The following SLC17A1 variants were observed in gnomAD, a reference collection of about 807,000 sequenced individuals.
The protein encoded by SLC17A1 is sodium-dependent phosphate transport protein 1.
A neutral mutation model predicts 53.5 loss-of-function variants in SLC17A1; 51 were observed. The ratio of observed to expected loss-of-function variants is 0.95; its 90% CI spans 0.76 to 1.20. The LOEUF (loss-of-function observed/expected upper bound fraction) is 1.20. Among genes scored for constraint, SLC17A1 ranks in the 50% most tolerant of loss-of-function variants. SLC17A1 has a pLI of 0.00. For synonymous variants in SLC17A1, 179 were observed against 198.8 expected (o/e 0.90, Z 0.84); for missense variants, 538 against 568.2 (o/e 0.95, Z 0.54).
chr6:25,751,128 A>G, the SLC17A1 span, among the ~76,000 whole-genome samples: 22 of 152,172 alleles, frequency 1.4e-4, no homozygotes, highest in Admixed American at 6.5e-5. Context: ...TTGGGTGTGC[A>G]TGGGTGTGTA....
chr6:25,813,183 C>T lies in SLC17A1; in HGVS notation c.647G>A (p.Trp216Ter). Reference sequence around the variant, plus strand: ...GGGGTCATCATAAAACAGAACGAACCAGAGAAGACATACGGCACAGCCACA... The same window carrying T: ...GGGGTCATCATAAAACAGAACGAACTAGAGAAGACATACGGCACAGCCACA... ...GACGCAVCLL[W>*]FVLFYDDPKD... Residue 216 changes from tryptophan (W) to a stop codon, truncating the protein, a stop_gained, in exon 7 of 13, where the codon TGG (tryptophan) becomes TAG (stop). Coordinates refer to ENST00000244527, the MANE Select transcript of SLC17A1 (RefSeq NM_005074.5). LOFTEE classifies it high-confidence loss of function. 1 of 1,614,128 alleles carries T rather than the reference C, an allele frequency of 6.2e-7. No individual in the cohort carries two copies. The highest frequency in any genetic ancestry group is 8.5e-7 in the Non-Finnish European group (1 of 1,180,010).
Position 25,798,810 on chromosome 6 carries a change from T to G in SLC17A1, c.1379A>C (p.Lys460Thr). 2 of 1,609,616 alleles carry G rather than the reference T, an allele frequency of 1.2e-6. No homozygotes were observed. Among genetic ancestry groups the G allele is most frequent in the Non-Finnish European group, 1.7e-6 (2 of 1,177,172 alleles). The change falls in exon 12 of 13, where the codon AAA becomes ACA. Residue 460 changes from lysine to threonine, a missense_variant. Physicochemically the swap from Lys to Thr is moderately conservative, Grantham distance 78. Transcript: ENST00000244527. ...VATAEIQDWA[K>T]EKQHTRL is the part of the protein sequence containing the mutation. ...TCAGAGACGTGTGTGTTGTTTTTCT[T>G]TAGCCCAGTCCTGAATTTCTGCTGT...
At chr6:25,726,108 C>A in the SLC17A1 span, 3 of 1,503,296 alleles carry the variant, frequency 2.0e-6, no homozygotes, top group East Asian at 6.8e-5. Flanking sequence ...ACACAGAAGT[C>A]TTTTTACCAA....
the SLC17A1 span, among the ~76,000 whole-genome samples, chr6:25,743,150 A>G: frequency 2.3e-3 from 346 of 152,354 alleles, 1 homozygote; most frequent in Middle Eastern, 3.4e-3. Context: ...TTTTATAAAA[A>G]AGGTGAAAAA....
At chr6:25,726,138 G>C in the SLC17A1 span, 2 of 1,533,160 alleles carry the variant, frequency 1.3e-6, no homozygotes, top group South Asian at 2.6e-5. Context: ...TAAGTTACTT[G>C]CTTTGGGCTT....
chr6:25,826,899 T>C (rs1254172996), intron 2 of SLC17A1, among the ~76,000 whole-genome samples: 1 of 152,126 alleles, frequency 6.6e-6, no homozygotes, highest in Non-Finnish European at 1.5e-5. Flanking sequence ...GTCTATTTTT[T>C]AAAAGACCCT....
At chr6:25,771,465 T>G in the SLC17A1 span, among the ~76,000 whole-genome samples, 3 of 151,862 alleles carry the variant, frequency 2.0e-5, no homozygotes, top group Non-Finnish European at 4.4e-5. Context: ...TCCCAGCTAC[T>G]CGGGAGGCTG....
At chr6:25,761,388 GC>G in the SLC17A1 span, among the ~76,000 whole-genome samples, 1 of 152,046 alleles carries the variant, frequency 6.6e-6, no homozygotes, top group Admixed American at 6.6e-5. Flanking sequence ...TAGATCTCAG[GC>G]CCCCACATCA....
chr6:25,820,113 T>C lies in SLC17A1; in HGVS notation c.208-198A>G, dbSNP rs112073627. ...TATTTACATTTTATCATTGGAGTAA[T>C]GTAAAGTCCTCACAGCCAAGGACAC... On this transcript the variant is annotated intron_variant, in intron 3 of 12. Transcript: ENST00000244527. Among the ~76,000 whole-genome samples the C allele has an allele frequency of 1.9e-3, 286 of 152,306 alleles. 1 individual carries two copies. The highest frequency in any genetic ancestry group is 3.1e-3 in the Non-Finnish European group (212 of 68,026).
intron 10 of SLC17A1, among the ~76,000 whole-genome samples, chr6:25,804,718 G>A (rs941631361): frequency 6.6e-6 from 1 of 152,058 alleles, no homozygotes; most frequent in Non-Finnish European, 1.5e-5. Flanking sequence ...GAAACCAAAA[G>A]TGAGCAGGAG....
the SLC17A1 span, among the ~76,000 whole-genome samples, chr6:25,742,512 C>CAAAAAAAAAAAAAAAAAAAAAAAA: frequency 1.6e-5 from 2 of 127,144 alleles, no homozygotes; most frequent in Non-Finnish European, 3.2e-5. Flanking sequence ...AAAAACAATA[C>CAAAAAAAAAAAAAAAAAAAAAAAA]AAAAAAAAAA....
chr6:25,731,932 C>A, the SLC17A1 span: 9 of 1,601,238 alleles, frequency 5.6e-6, no homozygotes, highest in Non-Finnish European at 7.7e-6. Flanking sequence ...AGGCGGGAAG[C>A]CTCACAGGCA....
At chr6:25,760,773 A>T in the SLC17A1 span, among the ~76,000 whole-genome samples, 5 of 151,946 alleles carry the variant, frequency 3.3e-5, no homozygotes, top group South Asian at 8.3e-4. Flanking sequence ...TTAATGCCTA[A>T]TTTTTTTTGT....
At chr6:25,792,689 A>G (rs1269697529) in intron 12 of SLC17A1, among the ~76,000 whole-genome samples, 1 of 152,124 alleles carries the variant, frequency 6.6e-6, no homozygotes, top group Non-Finnish European at 1.5e-5. Flanking sequence ...CAAGCTTTCC[A>G]ATCTCGTAAT....
At chr6:25,770,336 G>A in the SLC17A1 span, 3 of 1,613,446 alleles carry the variant, frequency 1.9e-6, no homozygotes, top group South Asian at 3.3e-5. Flanking sequence ...GTGGAATATA[G>A]GTTCCAGAAT....
the SLC17A1 span, chr6:25,726,405 T>A: frequency 6.2e-7 from 1 of 1,614,216 alleles, no homozygotes; most frequent in Non-Finnish European, 8.5e-7. Context: ...CTATCCGCTC[T>A]GCATAGTTTC....
chr6:25,731,984 C>T, the SLC17A1 span: 5 of 1,589,288 alleles, frequency 3.1e-6, no homozygotes, highest in Non-Finnish European at 3.4e-6. Flanking sequence ...TCATGATACT[C>T]ATGGCCTTGG....
At chr6:25,803,514 A>G (rs1262731421) in intron 10 of SLC17A1, among the ~76,000 whole-genome samples, 1 of 152,116 alleles carries the variant, frequency 6.6e-6, no homozygotes, top group Non-Finnish European at 1.5e-5. Context: ...AAAATGACAG[A>G]GCTACTTCTG....
the SLC17A1 span, chr6:25,726,083 CTTTTG>C: frequency 6.1e-6 from 9 of 1,472,212 alleles, no homozygotes; most frequent in Non-Finnish European, 8.2e-6. Context: ...TGAAAAGAGC[CTTTTG>C]TTTTTTCTGA....
Sources: allele counts gnomAD v4.1 joint callset (sites outside exome capture counted in the v4.1 genomes callset), GRCh38; gene constraint gnomAD v4.1.1; transcripts MANE v1.5; gene names NCBI Gene and HGNC (gene_info 2026-07-23, HGNC 2026-07-21).